The following SLC71A2 variants were observed in gnomAD, a reference collection of about 807,000 sequenced individuals.
The protein encoded by SLC71A2 is solute carrier family 71 member 2, also known as hippocampus abundant transcript-like 1.
chr9:94,431,253 C>T, the SLC71A2 span, among the ~76,000 whole-genome samples: 1 of 150,600 alleles, frequency 6.6e-6, no homozygotes, highest in Admixed American at 6.6e-5. Flanking sequence ...ATGGAGGTTG[C>T]AGTGAGCTGA....
At chr9:94,451,259 A>G in the SLC71A2 span, among the ~76,000 whole-genome samples, 6 of 152,218 alleles carry the variant, frequency 3.9e-5, no homozygotes, top group Non-Finnish European at 7.3e-5. Context: ...TCACAATTTA[A>G]GTTGTGCCTG....
the SLC71A2 span, among the ~76,000 whole-genome samples, chr9:94,444,036 A>G: frequency 6.6e-6 from 1 of 150,376 alleles, no homozygotes; most frequent in Non-Finnish European, 1.5e-5. Context: ...GTGTTTTTTA[A>G]TTCAGTTGGG....
At chr9:94,408,587 T>C in the SLC71A2 span, among the ~76,000 whole-genome samples, 1 of 151,856 alleles carries the variant, frequency 6.6e-6, no homozygotes, top group Non-Finnish European at 1.5e-5. Context: ...TTTTAGTAGG[T>C]TATGTGTTTC....
the SLC71A2 span, among the ~76,000 whole-genome samples, chr9:94,416,063 A>G: frequency 6.6e-6 from 1 of 152,202 alleles, no homozygotes; most frequent in South Asian, 2.1e-4. Context: ...CTTAGCAAGA[A>G]CTTGTATGTT....
the SLC71A2 span, chr9:94,459,020 C>T: frequency 1.4e-5 from 13 of 917,602 alleles, no homozygotes; most frequent in Non-Finnish European, 2.0e-5. Flanking sequence ...GTGGAGTTTG[C>T]CTTGACATTT....
the SLC71A2 span, among the ~76,000 whole-genome samples, chr9:94,388,094 T>C: frequency 6.6e-6 from 1 of 151,982 alleles, no homozygotes; most frequent in Non-Finnish European, 1.5e-5. Flanking sequence ...GCAGTAGAAG[T>C]ACAGAAACTT....
chr9:94,434,156 AT>A, the SLC71A2 span, among the ~76,000 whole-genome samples: 3 of 152,342 alleles, frequency 2.0e-5, no homozygotes, highest in Middle Eastern at 3.4e-3. Flanking sequence ...TTAGCAAAAA[AT>A]ATTCTACATT....
the SLC71A2 span, among the ~76,000 whole-genome samples, chr9:94,426,490 TTCTCA>T: frequency 2.2e-4 from 33 of 152,188 alleles, no homozygotes; most frequent in Non-Finnish European, 3.5e-4. Context: ...TGTCAGTCTT[TTCTCA>T]TCTGTTCTGT....
the SLC71A2 span, among the ~76,000 whole-genome samples, chr9:94,381,539 C>T: frequency 6.6e-6 from 1 of 152,174 alleles, no homozygotes; most frequent in Admixed American, 6.5e-5. Flanking sequence ...GATGGACTTT[C>T]GGCTTCTCAC....
the SLC71A2 span, chr9:94,444,993 C>T: frequency 6.2e-7 from 1 of 1,614,074 alleles, no homozygotes; most frequent in Non-Finnish European, 8.5e-7. Context: ...CTAGTCTTGT[C>T]AGCAGCCCGG....
At chr9:94,457,246 G>GCC in the SLC71A2 span, among the ~76,000 whole-genome samples, 1 of 152,064 alleles carries the variant, frequency 6.6e-6, no homozygotes, top group Admixed American at 6.6e-5. Flanking sequence ...ACAGGTGTGA[G>GCC]CCCCCATGCC....
chr9:94,401,601 G>C, the SLC71A2 span, among the ~76,000 whole-genome samples: 1,673 of 151,900 alleles, frequency 0.011, 27 homozygotes, highest in African/African-American at 0.038. Flanking sequence ...CAAGAAATCT[G>C]ATGGAAAGAC....
chr9:94,416,914 A>G, the SLC71A2 span, among the ~76,000 whole-genome samples: 2 of 152,026 alleles, frequency 1.3e-5, no homozygotes, highest in Non-Finnish European at 2.9e-5. Flanking sequence ...GGAACACAGG[A>G]CTTAAAAATT....
the SLC71A2 span, among the ~76,000 whole-genome samples, chr9:94,458,149 GATTTT>G: frequency 6.6e-6 from 1 of 152,122 alleles, no homozygotes; most frequent in Non-Finnish European, 1.5e-5. Context: ...ATTAGTTTTG[GATTTT>G]ATTTTATAAT....
chr9:94,424,903 C>CT, the SLC71A2 span, among the ~76,000 whole-genome samples: 1,411 of 135,200 alleles, frequency 0.01, 10 homozygotes, highest in Middle Eastern at 0.019. Context: ...CCACAACTGG[C>CT]TTTTTTTTTT....
the SLC71A2 span, among the ~76,000 whole-genome samples, chr9:94,443,444 A>AC: frequency 1.3e-5 from 2 of 152,196 alleles, no homozygotes; most frequent in African/African-American, 4.8e-5. Context: ...AAAAATGTGT[A>AC]CACCTTCCTT....
the SLC71A2 span, chr9:94,460,839 G>A: frequency 6.6e-6 from 1 of 152,264 alleles, no homozygotes; most frequent in African/African-American, 2.4e-5. Flanking sequence ...GCTATGAACA[G>A]AGATAACATA....
the SLC71A2 span, among the ~76,000 whole-genome samples, chr9:94,388,767 C>G: frequency 6.6e-6 from 1 of 151,830 alleles, no homozygotes; most frequent in East Asian, 1.9e-4. Context: ...TAATTTCTTG[C>G]CTGTTTCTTT....
chr9:94,410,247 C>T, the SLC71A2 span, among the ~76,000 whole-genome samples: 2,705 of 151,814 alleles, frequency 0.018, 37 homozygotes, highest in Non-Finnish European at 0.028. Context: ...AGACACATGT[C>T]ACCATGCCTG....
Sources: allele counts gnomAD v4.1 joint callset (sites outside exome capture counted in the v4.1 genomes callset), GRCh38; gene constraint gnomAD v4.1.1; transcripts MANE v1.5; gene names NCBI Gene and HGNC (gene_info 2026-07-23, HGNC 2026-07-21).